The following CACNA2D3 variants were observed in gnomAD, a reference collection of about 807,000 sequenced individuals.
CACNA2D3 encodes voltage-dependent calcium channel subunit alpha-2/delta-3.
CACNA2D3 carries 60 observed loss-of-function variants against 160.6 expected under a neutral mutation model. The observed-to-expected ratio is 0.37, with a 90% CI of 0.30 to 0.46. The LOEUF (loss-of-function observed/expected upper bound fraction) is 0.46. CACNA2D3 is among the 20% of genes least tolerant of loss of function. The pLI, the probability that CACNA2D3 is intolerant of heterozygous loss-of-function variation, is 1.00. For synonymous variants in CACNA2D3, 558 were observed against 492.9 expected (o/e 1.13, Z -1.75); for missense variants, 1,205 against 1,365.0 (o/e 0.88, Z 1.85).
intron 5 of CACNA2D3, among the ~76,000 whole-genome samples, chr3:54,518,179 G>C (rs1449841758): frequency 6.6e-6 from 1 of 152,194 alleles, no homozygotes; most frequent in East Asian, 1.9e-4. Flanking sequence ...CTGTGTGTCA[G>C]CGTGGTTACG....
At chr3:54,458,920 A>G (rs543070385) in intron 4 of CACNA2D3, among the ~76,000 whole-genome samples, 24 of 151,532 alleles carry the variant, frequency 1.6e-4, no homozygotes, top group African/African-American at 5.3e-4. Flanking sequence ...TATCCCTCCC[A>G]ACTTCCCCCA....
At chr3:54,563,373 A>G (rs1702357512) in intron 6 of CACNA2D3, among the ~76,000 whole-genome samples, 1 of 152,174 alleles carries the variant, frequency 6.6e-6, no homozygotes, top group Admixed American at 6.5e-5. Flanking sequence ...GGATTTGTCC[A>G]CCCAAGAGCT....
At chr3:54,821,307 G>T (rs1703585430) in intron 14 of CACNA2D3, among the ~76,000 whole-genome samples, 1 of 152,184 alleles carries the variant, frequency 6.6e-6, no homozygotes, top group Non-Finnish European at 1.5e-5. Context: ...ATGGCAAAAT[G>T]ATCCCTGTTT....
chr3:54,714,431 G>C (rs1701012193), intron 11 of CACNA2D3, among the ~76,000 whole-genome samples: 1 of 152,164 alleles, frequency 6.6e-6, no homozygotes, highest in Admixed American at 6.5e-5. Flanking sequence ...CAGAGAACAA[G>C]CCTTAGGATT....
At chr3:54,646,137 T>A (rs1220382657) in intron 11 of CACNA2D3, among the ~76,000 whole-genome samples, 1 of 25,138 alleles carries the variant, frequency 4.0e-5, no homozygotes, top group African/African-American at 7.0e-5. Flanking sequence ...CTTCCTTCCT[T>A]CCTTCCTTCC....
chr3:54,819,274 G>A (rs1703531338), intron 14 of CACNA2D3, among the ~76,000 whole-genome samples: 1 of 152,186 alleles, frequency 6.6e-6, no homozygotes, highest in Non-Finnish European at 1.5e-5. Context: ...TAAGGAGAAT[G>A]ATAAACTAAC....
intron 9 of CACNA2D3, among the ~76,000 whole-genome samples, chr3:54,593,098 A>G (rs1252418984): frequency 6.6e-6 from 1 of 152,174 alleles, no homozygotes; most frequent in Non-Finnish European, 1.5e-5. Context: ...ACCCACTTTT[A>G]TTCAATTCAA....
intron 36 of CACNA2D3, 95 bp from the exon 37 acceptor site, chr3:55,073,682 G>A (rs1242046050): frequency 2.4e-6 from 3 of 1,227,040 alleles, no homozygotes; most frequent in Admixed American, 2.0e-5. Flanking sequence ...TGGAGAGAGA[G>A]AGTAGTTAAG....
intron 27 of CACNA2D3, among the ~76,000 whole-genome samples, chr3:54,940,813 A>T (rs958430466): frequency 5.9e-5 from 9 of 152,156 alleles, no homozygotes; most frequent in African/African-American, 2.2e-4. Context: ...ATTTTTCTGA[A>T]ACCCATATGC....
At chr3:54,888,206 T>G (rs1165898623) in intron 24 of CACNA2D3, among the ~76,000 whole-genome samples, 154 bp downstream of exon 24, 3 of 152,206 alleles carry the variant, frequency 2.0e-5, no homozygotes, top group African/African-American at 7.2e-5. Flanking sequence ...TAGAGCAGAT[T>G]AGCGGCTCGG....
At chr3:54,969,261 ACT>A (rs1491172199) in intron 28 of CACNA2D3, among the ~76,000 whole-genome samples, 9 of 127,796 alleles carry the variant, frequency 7.0e-5, no homozygotes, top group African/African-American at 2.5e-4. Context: ...CATAAAGTAG[ACT>A]TTTTTTTTTT....
At chr3:54,858,325 T>C (rs1699215101) in intron 17 of CACNA2D3, among the ~76,000 whole-genome samples, 1 of 152,070 alleles carries the variant, frequency 6.6e-6, no homozygotes, top group South Asian at 2.1e-4. Flanking sequence ...GTCATCTAAT[T>C]GATCAATTGC....
At position 54,653,627 on chromosome 3, in the gene CACNA2D3, G is replaced by T. The variant is rs952127305; in HGVS notation, c.1167+11386G>T. On this transcript the variant is annotated intron_variant, in intron 11 of 37. Coordinates refer to ENST00000474759, the MANE Select transcript of CACNA2D3 (RefSeq NM_018398.3). ...GTCTCTGGTTTAATTACTTCTGCTG[G>T]TATTAGACATCTTGTGACTCCAGCA... Among the ~76,000 whole-genome samples, 9 of 152,188 alleles carry T rather than the reference G, an allele frequency of 5.9e-5. 1 individual carries two copies.
intron 14 of CACNA2D3, among the ~76,000 whole-genome samples, chr3:54,822,792 TTTC>T (rs1559595630): frequency 1.6e-3 from 94 of 59,274 alleles, no homozygotes; most frequent in South Asian, 6.2e-3. Context: ...CTTTCTTTCC[TTTC>T]TTTCTTTCTT....
chr3:54,784,459 G>A (rs1459852424), intron 13 of CACNA2D3, among the ~76,000 whole-genome samples: 2 of 151,754 alleles, frequency 1.3e-5, no homozygotes, highest in Non-Finnish European at 2.9e-5. Context: ...TTTAATAACC[G>A]AACTCTGTTT....
intron 25 of CACNA2D3, among the ~76,000 whole-genome samples, chr3:54,893,410 A>ATCT (rs35213730): frequency 0.27 from 41,528 of 151,810 alleles, 5,872 homozygotes; most frequent in African/African-American, 0.32. Flanking sequence ...AATGGATGAA[A>ATCT]TCTGTCTTCA....
chr3:54,331,003 T>G (rs1416928385), intron 3 of CACNA2D3, among the ~76,000 whole-genome samples: 1 of 151,958 alleles, frequency 6.6e-6, no homozygotes. Context: ...ATGGAGGGGA[T>G]GGGCAGAAGT....
intron 2 of CACNA2D3, among the ~76,000 whole-genome samples, chr3:54,236,874 A>G (rs1701888577): frequency 6.6e-6 from 1 of 152,258 alleles, no homozygotes; most frequent in Non-Finnish European, 1.5e-5. Context: ...GATAACATGA[A>G]TATCGTAGTA....
intron 11 of CACNA2D3, among the ~76,000 whole-genome samples, chr3:54,681,801 C>T (rs897606728): frequency 6.6e-6 from 1 of 152,072 alleles, no homozygotes; most frequent in Admixed American, 6.5e-5. Flanking sequence ...GCCTCCACTT[C>T]CCAAGGAGCT....
Sources: gnomAD v4.1 joint callset for allele counts (sites outside exome capture counted in the v4.1 genomes callset) on GRCh38, gnomAD v4.1.1 for gene constraint, MANE v1.5 for transcripts, NCBI Gene and HGNC (gene_info 2026-07-23, HGNC 2026-07-21) for gene names.